MAML3: variants seen among roughly 807,000 people sequenced by gnomAD.
The protein encoded by MAML3 is mastermind like transcriptional coactivator 3.
A neutral mutation model predicts 101.9 loss-of-function variants in MAML3; 27 were observed. The observed-to-expected ratio is 0.27, with a 90% CI of 0.20 to 0.37. The LOEUF (loss-of-function observed/expected upper bound fraction) is 0.37, where lower values mean the gene tolerates loss of function less well. Among genes scored for constraint, MAML3 ranks in the 10% least tolerant of loss-of-function variants. The pLI is 1.00. For synonymous variants in MAML3, 501 were observed against 555.9 expected (o/e 0.90, Z 1.39); for missense variants, 1,316 against 1,444.9 (o/e 0.91, Z 1.45).
At chr4:139,808,633 C>A (rs568447556) in intron 2 of MAML3, among the ~76,000 whole-genome samples, 1 of 152,300 alleles carries the variant, frequency 6.6e-6, no homozygotes, top group East Asian at 1.9e-4. Flanking sequence ...CCTAACAAAG[C>A]CAGTCACTGC....
intron 1 of MAML3, among the ~76,000 whole-genome samples, chr4:140,143,206 C>G (rs921942834): frequency 6.6e-6 from 1 of 152,208 alleles, no homozygotes; most frequent in Non-Finnish European, 1.5e-5. Flanking sequence ...ATAAGGACGT[C>G]CTGTTCACCA....
At chr4:140,101,347 C>G (rs1046009602) in intron 1 of MAML3, among the ~76,000 whole-genome samples, 2 of 152,164 alleles carry the variant, frequency 1.3e-5, no homozygotes, top group South Asian at 2.1e-4. Context: ...TAGAATAGAG[C>G]TCCCAAGTCA....
intron 2 of MAML3, among the ~76,000 whole-genome samples, chr4:139,739,010 C>T (rs1274087544): frequency 1.3e-5 from 2 of 152,190 alleles, no homozygotes; most frequent in Non-Finnish European, 2.9e-5. Context: ...TGGCATCCTT[C>T]CTGGCAAGGC....
chr4:140,120,110 G>A (rs1443932140), intron 1 of MAML3, among the ~76,000 whole-genome samples: 2 of 151,994 alleles, frequency 1.3e-5, no homozygotes, highest in African/African-American at 4.8e-5. Context: ...GGTGGCGGGC[G>A]CCTGTAGTCC....
chr4:139,770,691 C>G (rs923491116), intron 2 of MAML3, among the ~76,000 whole-genome samples: 1 of 152,208 alleles, frequency 6.6e-6, no homozygotes, highest in Admixed American at 6.5e-5. Flanking sequence ...CTGCTGATCT[C>G]TTTTTAGAAT....
intron 1 of MAML3, among the ~76,000 whole-genome samples, chr4:140,083,208 C>T (rs575269264): frequency 1.3e-5 from 2 of 152,340 alleles, no homozygotes; most frequent in East Asian, 3.9e-4. Context: ...CTTTCCACTA[C>T]ATTACAGCTC....
At chr4:140,146,477 T>C (rs1204327058) in intron 1 of MAML3, among the ~76,000 whole-genome samples, 1 of 152,230 alleles carries the variant, frequency 6.6e-6, no homozygotes, top group African/African-American at 2.4e-5. Context: ...TCTAACCCTA[T>C]TTCTTTTGTT....
chr4:139,860,005 C>T (rs185256125), intron 2 of MAML3, among the ~76,000 whole-genome samples: 15 of 152,210 alleles, frequency 9.9e-5, no homozygotes, highest in African/African-American at 3.4e-4. Context: ...GAGCAGCCAC[C>T]GAGCCTCGAG....
intron 1 of MAML3, among the ~76,000 whole-genome samples, chr4:139,945,964 C>G (rs1479632635): frequency 1.3e-5 from 2 of 152,228 alleles, no homozygotes; most frequent in Non-Finnish European, 2.9e-5. Context: ...GCACTGCACA[C>G]CTTCTCAGTC....
intron 2 of MAML3, among the ~76,000 whole-genome samples, chr4:139,807,822 A>T (rs1205607108): frequency 1.3e-5 from 2 of 152,068 alleles, no homozygotes; most frequent in Admixed American, 6.5e-5. Context: ...TACATGATAC[A>T]CTCCAATTGT....
chr4:139,732,824 GTGTAC>G (rs1728779626), intron 2 of MAML3, among the ~76,000 whole-genome samples: 1 of 152,218 alleles, frequency 6.6e-6, no homozygotes, highest in Non-Finnish European at 1.5e-5. Flanking sequence ...TCTCTCATAA[GTGTAC>G]TGCGTTCTAT....
chr4:139,990,157 G>A (rs1205911930), intron 1 of MAML3, among the ~76,000 whole-genome samples: 1 of 152,078 alleles, frequency 6.6e-6, no homozygotes, highest in Non-Finnish European at 1.5e-5. Context: ...CCTCACTATA[G>A]AGAAATCTTT....
rs554871863 is a variant in MAML3, at chr4:139,942,968, T to A, written c.469-52001A>T. Among the ~76,000 whole-genome samples the A allele has an allele frequency of 2.0e-5, 3 of 152,292 alleles. No individual in the cohort carries two copies. The East Asian group carries it at 5.8e-4, about 29-fold the overall frequency. On this transcript the variant is annotated intron_variant, in intron 1 of 4. Transcript: ENST00000509479. ...ACATTTTTGCAGGATAAAATGTTTATAGAGATATATTTGTATTTTGAATGT... is the reference window on the plus strand; with the variant it reads ...ACATTTTTGCAGGATAAAATGTTTAAAGAGATATATTTGTATTTTGAATGT...
intron 1 of MAML3, among the ~76,000 whole-genome samples, chr4:139,928,675 TC>T (rs1324988947): frequency 6.6e-6 from 1 of 152,054 alleles, no homozygotes; most frequent in African/African-American, 2.4e-5. Context: ...AAGCTGTGTG[TC>T]TGGGTGGGAA....
chr4:140,056,344 GTTTTC>G (rs911508167), intron 1 of MAML3, among the ~76,000 whole-genome samples: 18 of 150,422 alleles, frequency 1.2e-4, no homozygotes, highest in South Asian at 2.1e-4. Context: ...GCTAATCTTA[GTTTTC>G]TTTTCTTTTC....
At chr4:139,736,155 A>C (rs1728936562) in intron 2 of MAML3, among the ~76,000 whole-genome samples, 1 of 152,190 alleles carries the variant, frequency 6.6e-6, no homozygotes, top group African/African-American at 2.4e-5. Flanking sequence ...GAATTGGGTC[A>C]AGTAAAAAAA....
At chr4:140,060,626 T>C (rs1727431738) in intron 1 of MAML3, among the ~76,000 whole-genome samples, 1 of 152,094 alleles carries the variant, frequency 6.6e-6, no homozygotes, top group Admixed American at 6.5e-5. Flanking sequence ...CTTGCTTATT[T>C]TACGGATTTC....
chr4:140,099,925 C>T (rs1313214487), intron 1 of MAML3, among the ~76,000 whole-genome samples: 1 of 152,198 alleles, frequency 6.6e-6, no homozygotes, highest in Admixed American at 6.5e-5. Context: ...GATCATGGCA[C>T]TCCCTGTCAC....
intron 2 of MAML3, among the ~76,000 whole-genome samples, chr4:139,748,817 C>G: frequency 6.6e-6 from 1 of 152,202 alleles, no homozygotes. Flanking sequence ...AAGGTCTCAG[C>G]CTGACCAGGT....
Sources: allele counts gnomAD v4.1 joint callset (sites outside exome capture counted in the v4.1 genomes callset), GRCh38; gene constraint gnomAD v4.1.1; transcripts MANE v1.5; gene names NCBI Gene and HGNC (gene_info 2026-07-23, HGNC 2026-07-21).